Variants in CWF19L1 observed in about 807,000 individuals in gnomAD.
The protein encoded by CWF19L1 is CWF19 like cell cycle control factor 1, also known as CWF19-like protein 1.
CWF19L1 carries 60 observed loss-of-function variants against 69.7 expected under a neutral mutation model. That is an observed-to-expected ratio of 0.86 (90% CI 0.70 to 1.07). The LOEUF (loss-of-function observed/expected upper bound fraction) is 1.07. Among genes scored for constraint, CWF19L1 ranks in the 50% least tolerant of loss-of-function variants. The pLI is 0.00. For missense variants in CWF19L1, 591 were observed against 638.9 expected (o/e 0.92, Z 0.81); for synonymous variants, 209 against 222.2 (o/e 0.94, Z 0.53).
chr10:100,233,403 A>C (rs770759669), intron 13 of CWF19L1, 32 bp from the exon 14 acceptor site: 1 of 1,602,812 alleles, frequency 6.2e-7, no homozygotes, highest in South Asian at 1.1e-5. Context: ...GTCAAAATGG[A>C]AACTATCAGC....
intron 5 of CWF19L1, among the ~76,000 whole-genome samples, chr10:100,255,899 C>T (rs1188376725): frequency 6.6e-6 from 1 of 151,464 alleles, no homozygotes; most frequent in Non-Finnish European, 1.5e-5. Context: ...CACTGCACTC[C>T]AACCTGGGCG....
intron 3 of CWF19L1, among the ~76,000 whole-genome samples, 183 bp downstream of exon 3, chr10:100,260,782 CA>C (rs1188028503): frequency 6.6e-6 from 1 of 152,132 alleles, no homozygotes; most frequent in Admixed American, 6.6e-5. Flanking sequence ...CTCGGCCTCC[CA>C]AAGTGCGGGG....
chr10:100,235,256 G>A (rs1846395009), intron 13 of CWF19L1, among the ~76,000 whole-genome samples: 1 of 152,156 alleles, frequency 6.6e-6, no homozygotes, highest in Admixed American at 6.5e-5. Context: ...GAGTTATGAA[G>A]ATTAAATGAG....
intron 13 of CWF19L1, among the ~76,000 whole-genome samples, chr10:100,234,516 C>T (rs894590742): frequency 1.1e-4 from 16 of 152,280 alleles, no homozygotes; most frequent in South Asian, 2.1e-4. Context: ...GAAAACATCA[C>T]GTCAGATGTC....
chr10:100,260,327 G>C lies in CWF19L1; in HGVS notation c.188-8C>G. ...CATATGTCTGAATAGGAGCTAGTGAGGGAAACAGACATGACACCATATAGT... is the reference window on the plus strand; with the variant it reads ...CATATGTCTGAATAGGAGCTAGTGACGGAAACAGACATGACACCATATAGT... On this transcript the variant is annotated splice_region_variant and splice_polypyrimidine_tract_variant and intron_variant, in intron 3 of 13. Coordinates refer to ENST00000354105, the MANE Select transcript of CWF19L1 (RefSeq NM_018294.6). The C allele has an allele frequency of 6.6e-7, 1 of 1,513,468 alleles. No individual in the cohort carries two copies. The highest frequency in any genetic ancestry group is 1.1e-5 in the South Asian group (1 of 87,668). The allele number at this position is 1,513,468 out of a possible 1,614,324, so 93.8% of individuals were successfully genotyped here. A position where few individuals can be genotyped will look rare whatever the true frequency, so the allele number is the denominator to read the frequency against.
At chr10:100,239,519 A>G (rs1461883662) in intron 10 of CWF19L1, among the ~76,000 whole-genome samples, 1 of 152,152 alleles carries the variant, frequency 6.6e-6, no homozygotes, top group Non-Finnish European at 1.5e-5. Context: ...CGTGCCTATA[A>G]TCCCAGCTAC....
intron 1 of CWF19L1, among the ~76,000 whole-genome samples, chr10:100,265,007 G>A (rs929932424): frequency 8.6e-5 from 13 of 151,928 alleles, no homozygotes; most frequent in African/African-American, 3.1e-4. Context: ...TGTAGTCCCA[G>A]CTACTCAGGA....
chr10:100,250,947 C>CAAAAAAAAAAAATTAA (rs1313179949), intron 6 of CWF19L1, among the ~76,000 whole-genome samples: 1 of 112,584 alleles, frequency 8.9e-6, no homozygotes, highest in African/African-American at 3.3e-5. Context: ...GATCTTGTCT[C>CAAAAAAAAAAAATTAA]AAAAAAAAAA....
intron 5 of CWF19L1, chr10:100,254,161 C>A (rs892363959): frequency 6.6e-6 from 1 of 152,190 alleles, no homozygotes; most frequent in African/African-American, 2.4e-5. Flanking sequence ...TGAGCCACTG[C>A]GCCCAGCCTC....
intron 10 of CWF19L1, among the ~76,000 whole-genome samples, chr10:100,239,960 T>C (rs764779980): frequency 1.3e-5 from 2 of 152,260 alleles, no homozygotes; most frequent in Non-Finnish European, 2.9e-5. Context: ...CTAGCTATTT[T>C]TGTCAGAAGG....
chr10:100,234,302 G>A (rs951105607), intron 13 of CWF19L1, among the ~76,000 whole-genome samples: 1 of 152,072 alleles, frequency 6.6e-6, no homozygotes, highest in African/African-American at 2.4e-5. Context: ...AAAAAAATAT[G>A]CCATTTCAAA....
chr10:100,265,564 A>T (rs1847551428), intron 1 of CWF19L1, among the ~76,000 whole-genome samples: 1 of 138,354 alleles, frequency 7.2e-6, no homozygotes, highest in Admixed American at 8.2e-5. Flanking sequence ...TCTGTCGCCC[A>T]GGCTGGAGTG....
chr10:100,233,804 CAG>C (rs35823982), intron 13 of CWF19L1: 44,029 of 152,474 alleles, frequency 0.29, 8,007 homozygotes, highest in Non-Finnish European at 0.43. Flanking sequence ...TTGTGAGGTA[CAG>C]AGATAACACA....
chr10:100,255,367 G>A (rs1847174962), intron 5 of CWF19L1, among the ~76,000 whole-genome samples: 1 of 151,396 alleles, frequency 6.6e-6, no homozygotes, highest in South Asian at 2.1e-4. Context: ...AAATTAGGCT[G>A]GGCACGGTGG....
chr10:100,246,209 T>C (rs1846814204), intron 8 of CWF19L1: 1 of 281,124 alleles, frequency 3.6e-6, no homozygotes, highest in South Asian at 5.4e-5. Flanking sequence ...TAAATTCTCT[T>C]TTCTTTTTTC....
chr10:100,250,810 T>G (rs1847001352), intron 6 of CWF19L1, among the ~76,000 whole-genome samples: 1 of 152,016 alleles, frequency 6.6e-6, no homozygotes, highest in South Asian at 2.1e-4. Context: ...TAACTGGGCA[T>G]GGTGGTGCAT....
At position 100,238,190 on chromosome 10, in the gene CWF19L1, A is replaced by G. The variant is rs748553229; in HGVS notation, c.1086T>C (p.His362=). 3.1e-6 allele frequency: 5 copies of G among 1,614,204 alleles called. No homozygotes were observed. Among genetic ancestry groups the G allele is most frequent in the South Asian group, 2.2e-5 (2 of 91,080 alleles). Residue 362 remains histidine (H), a synonymous_variant, in exon 11 of 14, where the codon CAT becomes CAC. Transcript: ENST00000354105. Reference sequence around the variant, plus strand: ...AGTGTCCAATAGGCAGGATGAGGACATGGTCATCAGATAAGCCTCCTTTGG... The same window carrying G: ...AGTGTCCAATAGGCAGGATGAGGACGTGGTCATCAGATAAGCCTCCTTTGG... ...ALAKGGLSDD[H]VLILPIGHYQ...
chr10:100,250,290 C>T lies in CWF19L1; in HGVS notation c.666G>A (p.Arg222=), dbSNP rs1846981059. The change falls in exon 7 of 14, where the codon CGG becomes CGA. Residue 222 remains arginine, a synonymous_variant. Transcript: ENST00000354105. ...ILQENAQHAT[R]FIALANVGNP... Reference sequence around the variant, plus strand: ...TTCCAACATTTGCCAGAGCTATAAACCGGGTGGCATGCTGTGCATTTTCCT... The same window carrying T: ...TTCCAACATTTGCCAGAGCTATAAATCGGGTGGCATGCTGTGCATTTTCCT... 1 of 1,613,006 alleles carries T rather than the reference C, an allele frequency of 6.2e-7. No individual in the cohort carries two copies. The highest frequency in any genetic ancestry group is 8.5e-7 in the Non-Finnish European group (1 of 1,179,276).
intron 6 of CWF19L1, among the ~76,000 whole-genome samples, chr10:100,251,505 C>CA (rs1847029207): frequency 5.7e-5 from 5 of 88,298 alleles, no homozygotes; most frequent in Non-Finnish European, 9.8e-5. Flanking sequence ...GTCTATTGGC[C>CA]TTTTTTTTTT....
Sources: allele counts gnomAD v4.1 joint callset (sites outside exome capture counted in the v4.1 genomes callset), GRCh38; gene constraint gnomAD v4.1.1; transcripts MANE v1.5; gene names NCBI Gene and HGNC (gene_info 2026-07-23, HGNC 2026-07-21).